The following ST3GAL6 variants were observed in gnomAD, a reference collection of about 807,000 sequenced individuals.
ST3GAL6 encodes ST3 beta-galactoside alpha-2,3-sialyltransferase 6.
A neutral mutation model predicts 40.5 loss-of-function variants in ST3GAL6; 31 were observed. The observed-to-expected ratio is 0.77, with a 90% CI of 0.58 to 1.03. ST3GAL6 has a LOEUF of 1.03. Ranked by LOEUF, ST3GAL6 falls within the 50% of genes least tolerant of loss-of-function variation. The pLI is 0.00. For missense variants in ST3GAL6, 357 were observed against 393.2 expected (o/e 0.91, Z 0.78); for synonymous variants, 129 against 136.9 (o/e 0.94, Z 0.40).
intron 3 of ST3GAL6, among the ~76,000 whole-genome samples, chr3:98,772,039 G>T (rs1186558853): frequency 6.6e-6 from 1 of 152,146 alleles, no homozygotes; most frequent in Non-Finnish European, 1.5e-5. Context: ...CAGACCACAG[G>T]TTAAAATGCT....
chr3:98,759,394 T>A (rs1332408741), upstream of ST3GAL6, among the ~76,000 whole-genome samples: 1 of 152,102 alleles, frequency 6.6e-6, no homozygotes, highest in Non-Finnish European at 1.5e-5. Context: ...CTGAAAACCG[T>A]AGAGATCAGA....
At chr3:98,761,372 C>A (rs1439405073), upstream of ST3GAL6, among the ~76,000 whole-genome samples, 1 of 152,080 alleles carries the variant, frequency 6.6e-6, no homozygotes, top group Non-Finnish European at 1.5e-5. Flanking sequence ...CTTTGGGAGG[C>A]CGAGGTGGGT....
At chr3:98,755,640 T>A (rs1284057017) in intron 1 of ST3GAL6, among the ~76,000 whole-genome samples, 1 of 152,208 alleles carries the variant, frequency 6.6e-6, no homozygotes, top group African/African-American at 2.4e-5. Context: ...AATAATGGAC[T>A]TAAAATACTC....
intron 1 of ST3GAL6, among the ~76,000 whole-genome samples, chr3:98,749,099 G>T (rs1458699723): frequency 6.6e-6 from 1 of 152,196 alleles, no homozygotes; most frequent in East Asian, 1.9e-4. Flanking sequence ...GTCCAGCACA[G>T]AGTAGTCAGT....
intron 5 of ST3GAL6, among the ~76,000 whole-genome samples, chr3:98,777,251 G>A (rs28429424): frequency 0.054 from 8,256 of 152,248 alleles, 246 homozygotes; most frequent in African/African-American, 0.076. Context: ...TGATGTGCTG[G>A]AACCAGTTGG....
chr3:98,756,369 C>T, intron 1 of ST3GAL6: 1 of 1,289,730 alleles, frequency 7.8e-7, no homozygotes, highest in Non-Finnish European at 1.0e-6. Context: ...TTTATTTCAG[C>T]ATTTGCAAGT....
intron 5 of ST3GAL6, among the ~76,000 whole-genome samples, chr3:98,778,638 T>G (rs1198170957): frequency 6.6e-6 from 1 of 152,132 alleles, no homozygotes; most frequent in Non-Finnish European, 1.5e-5. Flanking sequence ...AAGGAAATGG[T>G]CTCTTCCATC....
At chr3:98,741,051 A>AGTGTGTGTGT (rs35649214) in intron 1 of ST3GAL6, among the ~76,000 whole-genome samples, 42 of 145,222 alleles carry the variant, frequency 2.9e-4, no homozygotes, top group African/African-American at 9.3e-4. Flanking sequence ...AGAGGGATTC[A>AGTGTGTGTGT]GTGTGTGTGT....
At chr3:98,774,777 A>G (rs1240902284) in intron 5 of ST3GAL6, among the ~76,000 whole-genome samples, 3 of 152,206 alleles carry the variant, frequency 2.0e-5, no homozygotes, top group Non-Finnish European at 4.4e-5. Context: ...GAAAGTGTAG[A>G]CAGAGTTTGC....
chr3:98,741,724 T>A (rs936325587), intron 1 of ST3GAL6, among the ~76,000 whole-genome samples: 7 of 152,218 alleles, frequency 4.6e-5, no homozygotes, highest in African/African-American at 1.7e-4. Context: ...ATTCTACATG[T>A]TGCTTCTAAA....
At chr3:98,756,337 T>G in intron 1 of ST3GAL6, 1 of 1,288,188 alleles carries the variant, frequency 7.8e-7, no homozygotes, top group South Asian at 1.2e-5. Context: ...GAACCATTCT[T>G]AGAAACATAC....
In ST3GAL6 at chr3:98,795,740, A is replaced by C. The variant is rs966216162; in HGVS notation, c.*1979A>C. 6.6e-6 allele frequency: 1 copy of C among 152,182 alleles called. No individual in the cohort carries two copies. Among genetic ancestry groups the C allele is most frequent in the Non-Finnish European group, 1.5e-5 (1 of 68,054 alleles). 9.4% of individuals were successfully genotyped at this position (152,182 alleles called of 1,614,324 possible). A position where few individuals can be genotyped will look rare whatever the true frequency, so the allele number is the denominator to read the frequency against. ...CTATGCTCACAACCTGGATGATGGG[A>C]TCATTCATACCACAAACCTCAGTAT... On this transcript the variant is annotated 3_prime_UTR_variant, in exon 10 of 10. Coordinates refer to ENST00000483910, the MANE Select transcript of ST3GAL6 (RefSeq NM_001323368.2).
At chr3:98,744,831 G>T (rs927127449) in intron 1 of ST3GAL6, among the ~76,000 whole-genome samples, 1 of 151,888 alleles carries the variant, frequency 6.6e-6, no homozygotes, top group African/African-American at 2.4e-5. Flanking sequence ...GTAAATAAAG[G>T]CTTCATTATG....
chr3:98,785,129 G>C, intron 6 of ST3GAL6, 89 bp downstream of exon 6: 1 of 897,854 alleles, frequency 1.1e-6, no homozygotes, highest in East Asian at 2.6e-5. Context: ...ACAGGAAGGG[G>C]AGATGTTTCC....
In ST3GAL6 at chr3:98,763,436, G is replaced by A. The variant is rs1576075012; in HGVS notation, c.-15G>A. ...CAGCAGGGCCACCTGGTAAAGGTAT[G>A]GAGGTGAGCCATGAACAAGGTTACC... On this transcript the variant is annotated 5_prime_UTR_variant, in exon 1 of 10. An upstream start codon of the reference 5' UTR is lost. Transcript: ENST00000483910. The A allele has an allele frequency of 2.3e-6, 3 of 1,289,628 alleles. No individual in the cohort carries two copies. The highest frequency in any genetic ancestry group is 1.5e-5 in the African/African-American group (1 of 65,850). The allele number at this position is 1,289,628 out of a possible 1,614,324, so 79.9% of individuals were successfully genotyped here.
chr3:98,759,283 C>A (rs1254075436), upstream of ST3GAL6, among the ~76,000 whole-genome samples: 4 of 152,110 alleles, frequency 2.6e-5, no homozygotes, highest in Non-Finnish European at 1.5e-5. Flanking sequence ...TTGAAAACAC[C>A]TGTATTTAGG....
chr3:98,780,838 A>C (rs1306452149), intron 5 of ST3GAL6, among the ~76,000 whole-genome samples: 1 of 152,214 alleles, frequency 6.6e-6, no homozygotes, highest in Non-Finnish European at 1.5e-5. Context: ...TCTGTAACTC[A>C]GTGTGATAGA....
In ST3GAL6 at chr3:98,752,465, TTTTA is replaced by T. The variant is rs552304785; in HGVS notation, c.-11-15953_-11-15950del. On this transcript the variant is annotated intron_variant, in intron 1 of 9. Transcript: ENST00000265261. ...ATATATTTTTTTCTTTCTTTTTAAA[TTTTA>T]TTTATTTATTTTATTTTTTTGAGAC... Among the ~76,000 whole-genome samples the T allele has an allele frequency of 3.9e-3, 593 of 151,900 alleles. 2 individuals are homozygous for T. Among genetic ancestry groups the T allele is most frequent in the African/African-American group, 0.014 (561 of 41,500 alleles).
intron 1 of ST3GAL6, among the ~76,000 whole-genome samples, chr3:98,764,584 A>T (rs564649651): frequency 2.0e-5 from 3 of 152,340 alleles, no homozygotes; most frequent in South Asian, 2.1e-4. Flanking sequence ...GCCTGTGCTC[A>T]CTTGTGAAAG....
Sources: allele counts gnomAD v4.1 joint callset (sites outside exome capture counted in the v4.1 genomes callset), GRCh38; gene constraint gnomAD v4.1.1; transcripts MANE v1.5; gene names NCBI Gene and HGNC (gene_info 2026-07-23, HGNC 2026-07-21).